Variants in DGKK observed in about 807,000 individuals in gnomAD.
DGKK encodes diacylglycerol kinase kappa.
A neutral mutation model predicts 92.2 loss-of-function variants in DGKK; 35 were observed. The ratio of observed to expected loss-of-function variants is 0.38; its 90% confidence interval spans 0.29 to 0.50. The LOEUF (loss-of-function observed/expected upper bound fraction) is 0.50. DGKK is among the 20% of genes least tolerant of loss of function. The probability of loss-of-function intolerance (pLI) is 0.92; values close to 1 mark genes in which losing one functional copy is unlikely to be tolerated. For missense variants in DGKK, 910 were observed against 992.2 expected (o/e 0.92, Z 1.11); for synonymous variants, 368 against 360.6 (o/e 1.02, Z -0.23).
At chrX:50,440,546 G>C (rs1336977500) in intron 1 of DGKK, among the ~76,000 whole-genome samples, 2 of 111,306 alleles carry the variant, frequency 1.8e-5, no homozygotes, top group African/African-American at 6.5e-5. Flanking sequence ...CATGTGCTTT[G>C]GGCTCTCAAG....
intron 3 of DGKK, 121 bp downstream of exon 3, chrX:50,422,325 C>G (rs1925614400): frequency 2.0e-6 from 1 of 504,499 alleles, no homozygotes; most frequent in Admixed American, 4.4e-5. Flanking sequence ...AATGATAACA[C>G]TTTGGGATCA....
chrX:50,409,950 T>C (rs1247620469), intron 4 of DGKK, among the ~76,000 whole-genome samples: 3 of 111,477 alleles, frequency 2.7e-5, no homozygotes, highest in Non-Finnish European at 5.7e-5. Flanking sequence ...GAAGTGGGTC[T>C]TCACCAGACA....
At chrX:50,375,586 G>A (rs1924249016) in intron 24 of DGKK, among the ~76,000 whole-genome samples, 1 of 111,662 alleles carries the variant, frequency 9.0e-6, no homozygotes, top group Non-Finnish European at 1.9e-5. Flanking sequence ...AAGCCATGGG[G>A]TGACACATTT....
In DGKK at chrX:50,390,393, G is replaced by A. The variant is rs1371394864; in HGVS notation, c.1861C>T (p.Arg621Cys). The A allele has an allele frequency of 1.7e-6, 2 of 1,207,574 alleles. No individual in the cohort carries two copies. The highest frequency in any genetic ancestry group is 2.2e-6 in the Non-Finnish European group (2 of 893,170). The change falls in exon 12 of 28, where the codon CGT becomes TGT. Residue 621 changes from arginine to cysteine, a missense_variant. By Grantham distance (180) the Arg-to-Cys change is radical. Transcript: ENST00000611977. Reference protein sequence around the residue: ...RILDRWSVMIRETPRQTPLLK... With the variant: ...RILDRWSVMICETPRQTPLLK... ...AGCGGGGTTTGTCTGGGAGTCTCAC[G>A]AATCATCACACTCCATCTGAAATGA...
chrX:50,442,387 T>G (rs1926191968), intron 1 of DGKK, among the ~76,000 whole-genome samples: 1 of 111,535 alleles, frequency 9.0e-6, no homozygotes, highest in Non-Finnish European at 1.9e-5. Context: ...CCTATTAAAC[T>G]TCTTGATTAC....
At chrX:50,449,311 G>T (rs1273481965) in intron 1 of DGKK, among the ~76,000 whole-genome samples, 2 of 111,132 alleles carry the variant, frequency 1.8e-5, no homozygotes, top group Admixed American at 1.9e-4. Context: ...GTGGAACCTG[G>T]GAAAGATCCA....
At chrX:50,374,570 C>T (rs1194804978) in intron 25 of DGKK, among the ~76,000 whole-genome samples, 1 of 111,266 alleles carries the variant, frequency 9.0e-6, no homozygotes, top group African/African-American at 3.3e-5. Flanking sequence ...CCAGGAATCT[C>T]CCAATTTTCC....
chrX:50,408,205 G>A (rs1230526475), intron 4 of DGKK, among the ~76,000 whole-genome samples: 1 of 111,626 alleles, frequency 9.0e-6, no homozygotes, highest in Non-Finnish European at 1.9e-5. Flanking sequence ...CTCCTTGGTT[G>A]TGCAGGGGCT....
chrX:50,408,575 G>C (rs1426511647), intron 4 of DGKK, among the ~76,000 whole-genome samples: 1 of 109,680 alleles, frequency 9.1e-6, no homozygotes, highest in Non-Finnish European at 1.9e-5. Context: ...AGTAGAGACG[G>C]GGTTTCACCG....
chrX:50,384,820 C>A lies in DGKK; in HGVS notation c.2352G>T (p.Leu784=), dbSNP rs1557224802. 2.2e-5 allele frequency: 26 copies of A among 1,197,434 alleles called. No homozygotes were observed. The highest frequency in any genetic ancestry group is 2.6e-5 in the Non-Finnish European group (23 of 887,806). The change falls in exon 16 of 28, where the codon CTG becomes CTT. Residue 784 remains leucine, a synonymous_variant. Coordinates refer to ENST00000611977, the MANE Select transcript of DGKK (RefSeq NM_001013742.4). ...ATATTGTCTGTCTGCTTTCCTCATC[C>A]AGAGCTATAGAGAAAAGTGGGAGGA... ...KLIIFQVEQA[L]DEESRQTISV... is the part of the protein sequence containing the mutation.
At chrX:50,408,605 G>A (rs1048985592) in intron 4 of DGKK, among the ~76,000 whole-genome samples, 4 of 109,757 alleles carry the variant, frequency 3.6e-5, no homozygotes, top group African/African-American at 6.6e-5. Context: ...GGATGGTCTC[G>A]ATCTCCTGAC....
In DGKK at chrX:50,376,840, G is replaced by A. The variant is rs1263853383; in HGVS notation, c.3190C>T (p.Gln1064Ter). The stretch of plus-strand genomic sequence containing the variant: ...TCAGAGAGGCTCTCTTGAGAGTCCT[G>A]GAAGTCCAGCTGGGGTTGAGGGGCA... ...QAAPQPQLDF[Q>*]DSQESLSDEE... The change falls in exon 23 of 28, where the codon CAG (glutamine) becomes TAG (stop). Residue 1064 changes from glutamine to a stop codon, truncating the protein, a stop_gained. Transcript: ENST00000611977. LOFTEE classifies it high-confidence loss of function. 8.3e-7 allele frequency: 1 copy of A among 1,207,084 alleles called. No homozygotes were observed. The highest frequency in any genetic ancestry group is 1.1e-6 in the Non-Finnish European group (1 of 893,566).
chrX:50,452,590 A>G (rs938846984), intron 1 of DGKK, among the ~76,000 whole-genome samples: 1 of 111,904 alleles, frequency 8.9e-6, no homozygotes, highest in Non-Finnish European at 1.9e-5. Context: ...TTGTTAAAAA[A>G]CAGTAGTAAG....
Position 50,368,851 on chromosome X carries a change from C to T in DGKK, c.*89G>A. On this transcript the variant is annotated 3_prime_UTR_variant, in exon 28 of 28. Coordinates refer to ENST00000611977, the MANE Select transcript of DGKK (RefSeq NM_001013742.4). ...TTTCTTGGTGGTGCTCATGTTTGTTCTGAAATGATTTAGTCTAGCCTGTAT... is the reference window on the plus strand; with the variant it reads ...TTTCTTGGTGGTGCTCATGTTTGTTTTGAAATGATTTAGTCTAGCCTGTAT... 2 of 767,079 alleles carry T rather than the reference C, an allele frequency of 2.6e-6. No individual in the cohort carries two copies. The highest frequency in any genetic ancestry group is 6.4e-5 in the Admixed American group (2 of 31,422). 63.2% of individuals were successfully genotyped at this position (767,079 alleles called of 1,213,427 possible). A position where few individuals can be genotyped will look rare whatever the true frequency, so the allele number is the denominator to read the frequency against.
chrX:50,425,698 T>C, intron 1 of DGKK, among the ~76,000 whole-genome samples: 1 of 111,950 alleles, frequency 8.9e-6, no homozygotes, highest in South Asian at 3.8e-4. Context: ...TCATAGCTTA[T>C]GGGAGTTTCA....
rs782078870 is a variant in DGKK at position 50,403,568 on chromosome X, C to T, written c.1108G>A (p.Ala370Thr). 17 of 1,207,486 alleles carry T rather than the reference C, an allele frequency of 1.4e-5. No individual in the cohort carries two copies. The highest frequency in any genetic ancestry group is 1.8e-5 in the Non-Finnish European group (16 of 893,807). The part of the protein sequence containing the change: ...VCKVKSHRLC[A>T]LRASKDCKWN... The stretch of plus-strand genomic sequence containing the variant: ...TTGCAGTCTTTGCTTGCTCTCAAAG[C>T]ACACAATCTGTGAGATTTCACTTTG... The change falls in exon 6 of 28, where the codon GCT (alanine) becomes ACT (threonine). Residue 370 changes from alanine (A) to threonine (T), a missense_variant. Transcript: ENST00000611977.
chrX:50,461,054 C>A (rs781870449), intron 1 of DGKK, among the ~76,000 whole-genome samples: 3 of 111,467 alleles, frequency 2.7e-5, no homozygotes, highest in South Asian at 7.5e-4. Flanking sequence ...ATCTAAGTGT[C>A]CAAAAAAGTG....
intron 7 of DGKK, 135 bp downstream of exon 7, chrX:50,402,926 A>G: frequency 1.2e-6 from 1 of 857,319 alleles, no homozygotes. Flanking sequence ...TAAGATTTAT[A>G]CTATGGAATC....
intron 1 of DGKK, among the ~76,000 whole-genome samples, chrX:50,447,322 GTATGTA>G (rs1269184417): frequency 3.9e-5 from 1 of 25,907 alleles, no homozygotes; most frequent in Non-Finnish European, 6.3e-5. Flanking sequence ...ATGTGTGTGT[GTATGTA>G]TATATATATA....
Sources: allele counts gnomAD v4.1 joint callset (sites outside exome capture counted in the v4.1 genomes callset), GRCh38; gene constraint gnomAD v4.1.1; transcripts MANE v1.5; gene names NCBI Gene and HGNC (gene_info 2026-07-23, HGNC 2026-07-21).